Variants in KIAA0232 observed in about 807,000 individuals in gnomAD.
KIAA0232 encodes KIAA0232, also known as uncharacterized protein KIAA0232.
In KIAA0232, 27 loss-of-function variants were observed where a neutral mutation model predicts 122.0. That is an observed-to-expected ratio of 0.22 (90% CI 0.16 to 0.31). The LOEUF (loss-of-function observed/expected upper bound fraction) is 0.31. Ranked by LOEUF, KIAA0232 falls within the 10% of genes least tolerant of loss-of-function variation. The probability of loss-of-function intolerance (pLI) is 1.00; values close to 1 mark genes in which losing one functional copy is unlikely to be tolerated. For synonymous variants in KIAA0232, 613 were observed against 587.6 expected (o/e 1.04, Z -0.63); for missense variants, 1,551 against 1,634.2 (o/e 0.95, Z 0.88).
chr4:6,819,336 A>G (rs1020772439), intron 2 of KIAA0232, among the ~76,000 whole-genome samples: 1 of 152,194 alleles, frequency 6.6e-6, no homozygotes, highest in African/African-American at 2.4e-5. Context: ...ACAGAATAGG[A>G]GAAAATATTT....
intron 1 of KIAA0232, among the ~76,000 whole-genome samples, chr4:6,792,763 C>G (rs1265296024): frequency 6.7e-6 from 1 of 149,018 alleles, no homozygotes; most frequent in Non-Finnish European, 1.5e-5. Flanking sequence ...CATCTTGGCT[C>G]ACTGCAAGCT....
intron 3 of KIAA0232, among the ~76,000 whole-genome samples, chr4:6,833,871 A>G (rs1321664996): frequency 1.3e-5 from 2 of 152,058 alleles, no homozygotes; most frequent in Non-Finnish European, 2.9e-5. Flanking sequence ...CTTTAATACC[A>G]CCTTGACTTT....
intron 1 of KIAA0232, among the ~76,000 whole-genome samples, chr4:6,800,370 G>A (rs1346374996): frequency 6.6e-6 from 1 of 150,414 alleles, no homozygotes; most frequent in Non-Finnish European, 1.5e-5. Context: ...TTCTTGATGT[G>A]TTCTGATTTT....
chr4:6,822,167 G>A (rs751560154), intron 2 of KIAA0232, among the ~76,000 whole-genome samples: 1 of 151,758 alleles, frequency 6.6e-6, no homozygotes, highest in Non-Finnish European at 1.5e-5. Flanking sequence ...AATGAATTAT[G>A]GAAAATGTTT....
intron 1 of KIAA0232, among the ~76,000 whole-genome samples, chr4:6,783,931 T>G (rs1716489176): frequency 2.6e-5 from 4 of 152,174 alleles, no homozygotes; most frequent in Admixed American, 2.6e-4. Context: ...TGTGTCGTGT[T>G]GGAATGCTTC....
Position 6,861,292 on chromosome 4 carries a change from G to A in KIAA0232, c.910G>A (p.Gly304Arg). The part of the protein sequence containing the change: ...EAGSSSSGNQ[G>R]ELKASMKYVK... ...AGGCTCAAGTTCCAGTGGGAATCAG[G>A]GAGAATTAAAAGCATCCATGAAGTA... is the stretch of plus-strand genomic sequence containing the variant. The change falls in exon 7 of 10, where the codon GGA (glycine) becomes AGA (arginine). Residue 304 changes from glycine to arginine, a missense_variant. Physicochemically the swap from Gly to Arg is moderately radical, Grantham distance 125 (BLOSUM62 -2). Transcript: ENST00000307659. 3.7e-6 allele frequency: 6 copies of A among 1,614,116 alleles called. No individual in the cohort carries two copies. Among genetic ancestry groups the A allele is most frequent in the South Asian group, 2.2e-5 (2 of 91,086 alleles).
chr4:6,805,365 G>A (rs1245748101), intron 2 of KIAA0232, among the ~76,000 whole-genome samples: 1 of 151,996 alleles, frequency 6.6e-6, no homozygotes, highest in East Asian at 1.9e-4. Context: ...TTAACTATTA[G>A]GATATGAATC....
At chr4:6,820,430 T>C (rs1444444785) in intron 2 of KIAA0232, among the ~76,000 whole-genome samples, 1 of 152,192 alleles carries the variant, frequency 6.6e-6, no homozygotes, top group East Asian at 1.9e-4. Flanking sequence ...CAGCATATAA[T>C]TAGGTGTTGC....
intron 4 of KIAA0232, among the ~76,000 whole-genome samples, chr4:6,849,939 G>C (rs535882086): frequency 6.6e-6 from 1 of 152,148 alleles, no homozygotes; most frequent in South Asian, 2.1e-4. Flanking sequence ...GGTTGGTGGG[G>C]TAGAGTGGTT....
At position 6,863,605 on chromosome 4, in the gene KIAA0232, A is replaced by C. The variant is rs377131932; in HGVS notation, c.3223A>C (p.Ile1075Leu). Residue 1075 changes from isoleucine (I) to leucine (L), a missense_variant, in exon 7 of 10, where the codon ATC (isoleucine) becomes CTC (leucine). Around this residue, in one of 5 missense-constraint regions of KIAA0232, gnomAD observed 1,108 missense variants for 1,154.8 expected, o/e 0.96. Coordinates refer to ENST00000307659, the MANE Select transcript of KIAA0232 (RefSeq NM_014743.3). The part of the protein sequence containing the change: ...SFSPSFKPKS[I>L]LCSDSDSEVF... ...CAGCCCCAGTTTTAAACCGAAATCA[A>C]TCCTCTGTTCTGATTCAGACAGTGA... 12 of 1,614,028 alleles carry C rather than the reference A, an allele frequency of 7.4e-6. No individual in the cohort carries two copies.
intron 4 of KIAA0232, among the ~76,000 whole-genome samples, chr4:6,843,142 T>C (rs904485022): frequency 2.6e-5 from 4 of 152,236 alleles, no homozygotes; most frequent in Non-Finnish European, 5.9e-5. Context: ...TTAAAAAATA[T>C]CTTTTGCAGT....
At chr4:6,864,424 A>T (rs1275103334) in intron 7 of KIAA0232, among the ~76,000 whole-genome samples, 1 of 152,132 alleles carries the variant, frequency 6.6e-6, no homozygotes, top group South Asian at 2.1e-4. Context: ...AGGATGTAAG[A>T]TTCCTATGTG....
chr4:6,834,664 A>G (rs1329259269), intron 3 of KIAA0232, among the ~76,000 whole-genome samples: 1 of 152,206 alleles, frequency 6.6e-6, no homozygotes, highest in Middle Eastern at 3.2e-3. Context: ...GGGTCCCTTG[A>G]AAAGGTGTTC....
chr4:6,839,947 T>A (rs1427115349), intron 3 of KIAA0232, among the ~76,000 whole-genome samples: 2 of 152,164 alleles, frequency 1.3e-5, no homozygotes, highest in Non-Finnish European at 2.9e-5. Flanking sequence ...AGGGGTTATT[T>A]TGAGCAATAT....
chr4:6,871,584 T>C lies in KIAA0232; in HGVS notation c.3812T>C (p.Leu1271Ser). 1 of 1,595,230 alleles carries C rather than the reference T, an allele frequency of 6.3e-7. No homozygotes were observed. Among genetic ancestry groups the C allele is most frequent in the Non-Finnish European group, 8.6e-7 (1 of 1,163,514 alleles). ...SSGQLEEFPV[L>S]NTDIQGMNRS... is the part of the protein sequence containing the mutation. ...GTTTAATCTAAACAGTTCCCTGTATTGAACACTGATATACAAGGAATGAAT... is the reference window on the plus strand; with the variant it reads ...GTTTAATCTAAACAGTTCCCTGTATCGAACACTGATATACAAGGAATGAAT... The change falls in exon 8 of 10, where the codon TTG becomes TCG. Residue 1271 changes from leucine (L) to serine (S), a missense_variant. Transcript: ENST00000307659.
In KIAA0232 at chr4:6,802,422, C is replaced by T. The variant is rs76726640; in HGVS notation, c.-353-2101C>T. On this transcript the variant is annotated intron_variant, in intron 1 of 9. Transcript: ENST00000307659. ...GTCTGGGTTGTACATCACAGCGTGC[C>T]ATGGTTGGACAATATTTTTCTTAGA... Among the ~76,000 whole-genome samples, 4 of 152,300 alleles carry T rather than the reference C, an allele frequency of 2.6e-5. 1 individual carries two copies. The East Asian group carries it at 7.7e-4, about 29-fold the overall frequency.
rs778329271 is a variant in KIAA0232 at position 6,863,791 on chromosome 4, A to C, written c.3409A>C (p.Ile1137Leu). ...TGAGAAAGATGAAGCAAATATTCCC[A>C]TTCCTTCTCAAGTTGATATATTTGA... Reference protein sequence around the residue: ...ESEKDEANIPIPSQVDIFEDP... With the variant: ...ESEKDEANIPLPSQVDIFEDP... The change falls in exon 7 of 10, where the codon ATT becomes CTT. Residue 1137 changes from isoleucine to leucine, a missense_variant. Physicochemically the swap from Ile to Leu is conservative, Grantham distance 5. Transcript: ENST00000307659. 1 of 1,614,220 alleles carries C rather than the reference A, an allele frequency of 6.2e-7. No homozygotes were observed.
chr4:6,832,856 A>G (rs1354970391), intron 3 of KIAA0232, among the ~76,000 whole-genome samples: 1 of 152,232 alleles, frequency 6.6e-6, no homozygotes, highest in African/African-American at 2.4e-5. Context: ...CCTGCAGAGA[A>G]GTTACTGTTG....
chr4:6,807,751 A>C (rs1363739339), intron 2 of KIAA0232, among the ~76,000 whole-genome samples: 1 of 152,226 alleles, frequency 6.6e-6, no homozygotes, highest in East Asian at 1.9e-4. Context: ...CATTATCTTC[A>C]GTTCCAAATT....
Sources: allele counts gnomAD v4.1 joint callset (sites outside exome capture counted in the v4.1 genomes callset), GRCh38; gene constraint gnomAD v4.1.1; regional missense constraint gnomAD v4.1.1; transcripts MANE v1.5; gene names NCBI Gene and HGNC (gene_info 2026-07-23, HGNC 2026-07-21).